Variants in ELMO1 observed in about 807,000 individuals in gnomAD.
ELMO1 encodes engulfment and cell motility 1.
ELMO1 carries 26 observed loss-of-function variants against 98.9 expected under a neutral mutation model. The observed-to-expected ratio is 0.26, with a 90% CI of 0.19 to 0.36. The LOEUF (loss-of-function observed/expected upper bound fraction) is 0.36. Among genes scored for constraint, ELMO1 ranks in the 10% least tolerant of loss-of-function variants. The pLI is 1.00. For missense variants in ELMO1, 627 were observed against 935.2 expected (o/e 0.67, Z 4.30); for synonymous variants, 346 against 346.0 (o/e 1.00, Z 0.00).
At chr7:37,133,308 C>T in intron 13 of ELMO1, 74 bp from the exon 14 acceptor site, 1 of 1,191,326 alleles carries the variant, frequency 8.4e-7, no homozygotes, top group Non-Finnish European at 1.2e-6. Flanking sequence ...TCTGATTTCC[C>T]TCCTCAAGAG....
intron 15 of ELMO1, among the ~76,000 whole-genome samples, chr7:37,063,219 CACACCTGGACCAAGTCT>C (rs1284310930): frequency 1.3e-5 from 2 of 152,162 alleles, no homozygotes. Flanking sequence ...AATGGATGCT[CACACCTGGACCAAGTCT>C]ACACCTGGAC....
chr7:36,967,788 A>G (rs139496241), intron 16 of ELMO1, among the ~76,000 whole-genome samples: 22 of 152,340 alleles, frequency 1.4e-4, no homozygotes, highest in Non-Finnish European at 2.6e-4. Context: ...AACCTAGCTA[A>G]TATCTTCTCC....
At chr7:37,441,881 T>C (rs1490350820) in intron 1 of ELMO1, among the ~76,000 whole-genome samples, 3 of 152,150 alleles carry the variant, frequency 2.0e-5, no homozygotes, top group African/African-American at 7.2e-5. Flanking sequence ...GAAATGAACA[T>C]AAAGGGTGAG....
At chr7:37,445,333 A>C (rs1805567993) in intron 1 of ELMO1, among the ~76,000 whole-genome samples, 1 of 152,232 alleles carries the variant, frequency 6.6e-6, no homozygotes, top group Non-Finnish European at 1.5e-5. Flanking sequence ...TTATAAACCA[A>C]ACTATCTACT....
intron 13 of ELMO1, among the ~76,000 whole-genome samples, chr7:37,200,219 G>A (rs1021298752): frequency 1.4e-4 from 21 of 150,102 alleles, no homozygotes; most frequent in Non-Finnish European, 2.9e-4. Flanking sequence ...GACTACAGAC[G>A]CATGCCACCA....
chr7:37,159,820 T>A (rs1173980479), intron 13 of ELMO1, among the ~76,000 whole-genome samples: 2 of 152,172 alleles, frequency 1.3e-5, no homozygotes, highest in African/African-American at 2.4e-5. Flanking sequence ...AATGTGCTAT[T>A]TTATTAATAG....
chr7:36,925,810 G>T (rs1388014370), intron 16 of ELMO1, among the ~76,000 whole-genome samples: 1 of 152,162 alleles, frequency 6.6e-6, no homozygotes, highest in Non-Finnish European at 1.5e-5. Flanking sequence ...ACAAATGTCT[G>T]TGAGGGCTGC....
chr7:37,311,685 C>T (rs189477537), intron 4 of ELMO1, among the ~76,000 whole-genome samples: 3 of 152,334 alleles, frequency 2.0e-5, no homozygotes, highest in Non-Finnish European at 2.9e-5. Flanking sequence ...GTGACACATG[C>T]ACACCCACAG....
At chr7:36,996,673 G>A (rs1303236591) in intron 16 of ELMO1, among the ~76,000 whole-genome samples, 1 of 152,200 alleles carries the variant, frequency 6.6e-6, no homozygotes, top group Non-Finnish European at 1.5e-5. Context: ...TACAAGAGAG[G>A]GGAAGAAAAG....
In ELMO1 at chr7:37,212,123, GAC is replaced by G. The variant is rs146823707; in HGVS notation, c.955-608_955-607del. ...ATATTATGCTGAGTGAAATAAACCA[GAC>G]ACAGAAATATGCATATTGTCCAATT... On this transcript the variant is annotated intron_variant, in intron 12 of 21. Transcript: ENST00000310758. Among the ~76,000 whole-genome samples, 14 of 152,300 alleles carry G rather than the reference GAC, an allele frequency of 9.2e-5. No homozygotes were observed. In the East Asian group the frequency reaches 2.7e-3, roughly 29 times the overall value.
intron 16 of ELMO1, among the ~76,000 whole-genome samples, chr7:36,945,209 C>T (rs897695460): frequency 1.3e-5 from 2 of 152,184 alleles, no homozygotes; most frequent in Non-Finnish European, 2.9e-5. Flanking sequence ...CATACATTTT[C>T]TCAAAGCCTT....
chr7:37,317,194 T>G (rs1799224419), intron 2 of ELMO1, among the ~76,000 whole-genome samples: 1 of 152,212 alleles, frequency 6.6e-6, no homozygotes, highest in Non-Finnish European at 1.5e-5. Flanking sequence ...TGGTGAATTC[T>G]GAACACCGTT....
chr7:37,006,155 G>T (rs1793106897), intron 16 of ELMO1, among the ~76,000 whole-genome samples: 2 of 152,158 alleles, frequency 1.3e-5, no homozygotes, highest in South Asian at 4.1e-4. Context: ...CCCCTCTGTG[G>T]CCAAACTAAA....
At chr7:37,050,655 C>A (rs1379020588) in intron 15 of ELMO1, among the ~76,000 whole-genome samples, 100 of 144,772 alleles carry the variant, frequency 6.9e-4, no homozygotes, top group South Asian at 2.6e-3. Flanking sequence ...CACACACACA[C>A]ACACAAAAGG....
At chr7:37,160,005 A>G (rs1205581642) in intron 13 of ELMO1, among the ~76,000 whole-genome samples, 1 of 152,216 alleles carries the variant, frequency 6.6e-6, no homozygotes, top group Non-Finnish European at 1.5e-5. Context: ...TAAAAGCACA[A>G]TGAAACTAGT....
intron 17 of ELMO1, among the ~76,000 whole-genome samples, chr7:36,889,962 T>A (rs1805410612): frequency 6.6e-6 from 1 of 152,220 alleles, no homozygotes. Context: ...ATTTCTTCTT[T>A]CCTGGCGAAT....
At chr7:36,887,413 G>C in intron 18 of ELMO1, 147 bp downstream of exon 18, 1 of 627,202 alleles carries the variant, frequency 1.6e-6, no homozygotes, top group East Asian at 2.8e-5. Flanking sequence ...GTGTGCATGG[G>C]AACCAGAAAC....
chr7:37,416,597 C>T (rs1354707259), intron 1 of ELMO1, among the ~76,000 whole-genome samples: 1 of 152,176 alleles, frequency 6.6e-6, no homozygotes. Flanking sequence ...AAAAGGAGGG[C>T]CACATTTGCT....
chr7:37,281,707 T>C (rs1245290467), intron 4 of ELMO1, among the ~76,000 whole-genome samples: 7 of 152,210 alleles, frequency 4.6e-5, no homozygotes, highest in Non-Finnish European at 1.0e-4. Context: ...CGTCACAGTC[T>C]AAACTTTTCT....
Sources: gnomAD v4.1 joint callset for allele counts (sites outside exome capture counted in the v4.1 genomes callset) on GRCh38, gnomAD v4.1.1 for gene constraint, MANE v1.5 for transcripts, NCBI Gene and HGNC (gene_info 2026-07-23, HGNC 2026-07-21) for gene names.